Variants in SLC16A7 observed in about 807,000 individuals in gnomAD.
SLC16A7 encodes the protein solute carrier family 16 member 7.
SLC16A7 carries 33 observed loss-of-function variants against 34.9 expected under a neutral mutation model. The observed-to-expected ratio is 0.94, with a 90% CI of 0.72 to 1.26. SLC16A7 has a LOEUF of 1.26. Among genes scored for constraint, SLC16A7 ranks in the 50% most tolerant of loss-of-function variants. The pLI, the probability that SLC16A7 is intolerant of heterozygous loss-of-function variation, is 0.00. For synonymous variants in SLC16A7, 201 were observed against 206.6 expected (o/e 0.97, Z 0.23); for missense variants, 573 against 578.1 (o/e 0.99, Z 0.09).
chr12:59,658,650 G>T (rs892821290), intron 2 of SLC16A7, among the ~76,000 whole-genome samples: 1 of 151,998 alleles, frequency 6.6e-6, no homozygotes, highest in African/African-American at 2.4e-5. Flanking sequence ...ATGCCCAGCT[G>T]TTAATATATT....
chr12:59,719,594 T>C (rs1380225949), intron 3 of SLC16A7: 1 of 152,300 alleles, frequency 6.6e-6, no homozygotes, highest in Non-Finnish European at 1.5e-5. Flanking sequence ...GTATTAAATA[T>C]ATATTTTATA....
intron 2 of SLC16A7, among the ~76,000 whole-genome samples, chr12:59,694,605 C>T (rs1872063714): frequency 6.6e-6 from 1 of 151,884 alleles, no homozygotes; most frequent in Non-Finnish European, 1.5e-5. Context: ...AGATAATATG[C>T]TGTACAGTAG....
chr12:59,599,851 C>T (rs1419428089), intron 1 of SLC16A7, among the ~76,000 whole-genome samples: 1 of 152,114 alleles, frequency 6.6e-6, no homozygotes, highest in African/African-American at 2.4e-5. Flanking sequence ...TATATTTTAC[C>T]TTGAATTACA....
chr12:59,652,663 T>C (rs1280506053), intron 1 of SLC16A7, among the ~76,000 whole-genome samples: 1 of 150,984 alleles, frequency 6.6e-6, no homozygotes, highest in Non-Finnish European at 1.5e-5. Flanking sequence ...TAGAGATTCC[T>C]TTTTTTTTCT....
intron 3 of SLC16A7, among the ~76,000 whole-genome samples, chr12:59,721,938 A>G (rs1875648689): frequency 6.6e-6 from 1 of 151,784 alleles, no homozygotes; most frequent in Non-Finnish European, 1.5e-5. Flanking sequence ...TTAAATTCTC[A>G]ATGTTCAAAA....
rs371090257 is a variant in SLC16A7, at chr12:59,596,491, A to T, written c.-130+255A>T. 5.1e-5 allele frequency among the ~76,000 whole-genome samples: 1 copy of T among 19,452 alleles called. No homozygotes were observed. Among genetic ancestry groups the T allele is most frequent in the Non-Finnish European group, 1.0e-4 (1 of 9,588 alleles). 12.8% of individuals were successfully genotyped at this position (19,452 alleles called of 152,430 possible). A position where few individuals can be genotyped will look rare whatever the true frequency, so the allele number is the denominator to read the frequency against. ...CGCGCCGACAGCTGCCCGGGAACTG[A>T]GGGGGCGCGCGGGGTCCTGGGCAAG... On this transcript the variant is annotated intron_variant, in intron 1 of 5. Transcript: ENST00000547379. This position sits in a 1 kb window ranked among gnomAD's most constrained non-coding sequence, Gnocchi z 5.0.
At chr12:59,760,117 C>T (rs2222879) in intron 3 of SLC16A7, among the ~76,000 whole-genome samples, 18,917 of 151,964 alleles carry the variant, frequency 0.12, 1,558 homozygotes, top group African/African-American at 0.23. Flanking sequence ...AATTCAAACT[C>T]GGCCTTGTGA....
intron 2 of SLC16A7, among the ~76,000 whole-genome samples, chr12:59,684,643 G>A (rs1477333699): frequency 6.6e-6 from 1 of 152,166 alleles, no homozygotes; most frequent in African/African-American, 2.4e-5. Flanking sequence ...GAGCAAACAT[G>A]AGTGTGTAGA....
intron 5 of SLC16A7, among the ~76,000 whole-genome samples, chr12:59,777,267 T>G (rs1882852137): frequency 6.6e-6 from 1 of 152,204 alleles, no homozygotes; most frequent in South Asian, 2.1e-4. Context: ...CCATTATATA[T>G]CCATTTTTTC....
intron 5 of SLC16A7, among the ~76,000 whole-genome samples, chr12:59,777,294 C>T (rs1477092068): frequency 6.6e-6 from 1 of 152,184 alleles, no homozygotes; most frequent in African/African-American, 2.4e-5. Flanking sequence ...TGTCTGCCAT[C>T]TGCTACCCGT....
chr12:59,642,973 A>G (rs886367092), intron 1 of SLC16A7, among the ~76,000 whole-genome samples: 4 of 152,148 alleles, frequency 2.6e-5, no homozygotes, highest in African/African-American at 9.6e-5. Context: ...ATGAGTTATC[A>G]CTGCCAGCAT....
At chr12:59,744,606 C>T (rs1878691901) in intron 3 of SLC16A7, among the ~76,000 whole-genome samples, 1 of 152,214 alleles carries the variant, frequency 6.6e-6, no homozygotes. Context: ...GGCTATCACA[C>T]TGACCCTCTG....
chr12:59,705,178 T>G (rs1873423031), intron 3 of SLC16A7, among the ~76,000 whole-genome samples, 160 bp downstream of exon 3: 1 of 152,154 alleles, frequency 6.6e-6, no homozygotes, highest in Non-Finnish European at 1.5e-5. Context: ...TTCAATGATT[T>G]TAGTGATTCA....
chr12:59,696,653 T>G (rs570363041), intron 2 of SLC16A7: 5 of 151,992 alleles, frequency 3.3e-5, no homozygotes, highest in Non-Finnish European at 7.4e-5. Flanking sequence ...AAAAAAGGCA[T>G]GAAGCCAGAG....
rs1882626428 is a variant in SLC16A7, at chr12:59,775,153, A to G, written c.858A>G (p.Leu286=). The G allele has an allele frequency of 1.2e-6, 2 of 1,614,078 alleles. No individual in the cohort carries two copies. Among genetic ancestry groups the G allele is most frequent in the East Asian group, 2.2e-5 (1 of 44,866 alleles). ...ATGAGTACTCGGCAGCTTTTCTGCT[A>G]TCTGTTATGGCTTTCGTTGATATGT... The part of the protein sequence containing the change: ...GIDEYSAAFL[L]SVMAFVDMFA... The change falls in exon 5 of 6, where the codon CTA becomes CTG. Residue 286 remains leucine, a synonymous_variant. Transcript: ENST00000547379.
At chr12:59,697,655 T>C (rs1040398143) in intron 2 of SLC16A7, among the ~76,000 whole-genome samples, 5 of 151,662 alleles carry the variant, frequency 3.3e-5, no homozygotes, top group African/African-American at 7.3e-5. Context: ...CAGGCACTTA[T>C]ACTATAATTG....
chr12:59,679,828 C>A (rs956763950), intron 2 of SLC16A7, among the ~76,000 whole-genome samples: 2 of 151,930 alleles, frequency 1.3e-5, no homozygotes, highest in East Asian at 3.9e-4. Flanking sequence ...ATCATAAGGG[C>A]AAAATTAGAA....
At chr12:59,614,951 C>T (rs929655680) in intron 1 of SLC16A7, among the ~76,000 whole-genome samples, 10 of 150,848 alleles carry the variant, frequency 6.6e-5, no homozygotes, top group Admixed American at 1.3e-4. Context: ...TGCAGTGAGC[C>T]GAGATCGCAC....
intron 2 of SLC16A7, among the ~76,000 whole-genome samples, chr12:59,675,174 C>T (rs76036538): frequency 0.046 from 6,952 of 152,282 alleles, 216 homozygotes; most frequent in Non-Finnish European, 0.068. Context: ...CAAATGGTTT[C>T]AAATATCTAC....
Sources: gnomAD v4.1 joint callset for allele counts (sites outside exome capture counted in the v4.1 genomes callset) on GRCh38, gnomAD v4.1.1 for gene constraint, Gnocchi (gnomAD v3.1) non-coding constraint, MANE v1.5 for transcripts, NCBI Gene and HGNC (gene_info 2026-07-23, HGNC 2026-07-21) for gene names.